The following SEMA3A variants were observed in gnomAD, a reference collection of about 807,000 sequenced individuals.
SEMA3A encodes semaphorin 3A, also known as semaphorin-3A.
In SEMA3A, 29 loss-of-function variants were observed where a neutral mutation model predicts 97.9. The ratio of observed to expected loss-of-function variants is 0.30; its 90% CI spans 0.22 to 0.40. The LOEUF (loss-of-function observed/expected upper bound fraction) is 0.40, where lower values mean the gene tolerates loss of function less well. Among genes scored for constraint, SEMA3A ranks in the 10% least tolerant of loss-of-function variants. The pLI, the probability that SEMA3A is intolerant of heterozygous loss-of-function variation, is 1.00. For synonymous variants in SEMA3A, 321 were observed against 323.7 expected (o/e 0.99, Z 0.09); for missense variants, 763 against 951.3 (o/e 0.80, Z 2.60).
At chr7:84,000,858 A>G (rs1790410788) in intron 12 of SEMA3A, among the ~76,000 whole-genome samples, 1 of 152,150 alleles carries the variant, frequency 6.6e-6, no homozygotes, top group African/African-American at 2.4e-5. Flanking sequence ...GAGGAATAAC[A>G]TTGTATATAG....
chr7:84,318,011 A>G (rs1801551377), intron 2 of SEMA3A, among the ~76,000 whole-genome samples: 1 of 152,180 alleles, frequency 6.6e-6, no homozygotes, highest in South Asian at 2.1e-4. Flanking sequence ...AAATGTTTTT[A>G]GGTCATATCC....
intron 6 of SEMA3A, among the ~76,000 whole-genome samples, chr7:84,020,035 C>CT (rs781108685): frequency 0.087 from 5,035 of 57,798 alleles, 1,514 homozygotes; most frequent in Non-Finnish European, 0.11. Context: ...TTTTTTCTTT[C>CT]TTTTTTTTTT....
chr7:84,229,311 A>T (rs1243672335), intron 3 of SEMA3A, among the ~76,000 whole-genome samples: 1 of 152,186 alleles, frequency 6.6e-6, no homozygotes, highest in Non-Finnish European at 1.5e-5. Context: ...TCAAAATTGC[A>T]AATTAAACTC....
At chr7:84,091,336 AAG>A (rs142641762) in intron 4 of SEMA3A, among the ~76,000 whole-genome samples, 7 of 144,172 alleles carry the variant, frequency 4.9e-5, no homozygotes, top group South Asian at 4.5e-4. Flanking sequence ...GAGAGAGAGA[AAG>A]AGGAGGGAAG....
At chr7:83,982,154 G>A (rs1046258183) in intron 13 of SEMA3A, among the ~76,000 whole-genome samples, 5 of 150,804 alleles carry the variant, frequency 3.3e-5, no homozygotes, top group Non-Finnish European at 4.4e-5. Flanking sequence ...ATAGGGTTGA[G>A]CATGAAGATA....
intron 4 of SEMA3A, among the ~76,000 whole-genome samples, chr7:84,062,564 A>G (rs1229589343): frequency 6.6e-6 from 1 of 152,168 alleles, no homozygotes; most frequent in African/African-American, 2.4e-5. Context: ...GGGTGCGCGC[A>G]CCACGCGCGA....
intron 3 of SEMA3A, 86 bp downstream of exon 3, chr7:84,129,037 A>T: frequency 9.6e-7 from 1 of 1,047,006 alleles, no homozygotes; most frequent in Non-Finnish European, 1.5e-6. Flanking sequence ...CACACAAAAA[A>T]ATCAGAAATT....
chr7:84,378,545 C>T (rs1329615589), intron 1 of SEMA3A, among the ~76,000 whole-genome samples: 1 of 152,014 alleles, frequency 6.6e-6, no homozygotes, highest in Non-Finnish European at 1.5e-5. Context: ...ACATCACACA[C>T]TGGGGCCTTT....
intron 2 of SEMA3A, among the ~76,000 whole-genome samples, chr7:84,336,689 A>C (rs994646293): frequency 6.6e-6 from 1 of 152,156 alleles, no homozygotes; most frequent in Non-Finnish European, 1.5e-5. Context: ...ACACAAACCT[A>C]GGTTCCAACA....
chr7:84,367,136 C>G (rs1259960081), intron 2 of SEMA3A, among the ~76,000 whole-genome samples: 2 of 151,138 alleles, frequency 1.3e-5, no homozygotes, highest in Admixed American at 6.6e-5. Context: ...TCAGCAAGGC[C>G]CCTCTAGGAA....
intron 1 of SEMA3A, among the ~76,000 whole-genome samples, chr7:84,183,117 G>A (rs1171263643): frequency 6.6e-6 from 1 of 152,004 alleles, no homozygotes; most frequent in Non-Finnish European, 1.5e-5. Context: ...GCACTGGTTG[G>A]GCACTTTACA....
intron 1 of SEMA3A, among the ~76,000 whole-genome samples, chr7:84,186,111 G>C (rs1797877332): frequency 6.6e-6 from 1 of 152,094 alleles, no homozygotes; most frequent in African/African-American, 2.4e-5. Context: ...CAAATCCAAA[G>C]AAATAGTTTC....
intron 12 of SEMA3A, among the ~76,000 whole-genome samples, chr7:83,986,322 G>A (rs1331913698): frequency 1.3e-5 from 2 of 152,162 alleles, no homozygotes; most frequent in African/African-American, 4.8e-5. Context: ...CTTTGCCAGA[G>A]AATATAATCT....
At chr7:84,036,508 G>A (rs1791944345) in intron 6 of SEMA3A, among the ~76,000 whole-genome samples, 1 of 152,064 alleles carries the variant, frequency 6.6e-6, no homozygotes, top group African/African-American at 2.4e-5. Context: ...AATGAGAAGA[G>A]AATAACATTC....
Position 84,412,202 on chromosome 7 carries a change from A to G in SEMA3A, c.-245-40302T>C, listed in dbSNP as rs1804289513. Among the ~76,000 whole-genome samples, 3 of 152,170 alleles carry G rather than the reference A, an allele frequency of 2.0e-5. No homozygotes were observed. In the South Asian group the frequency reaches 6.2e-4, roughly 31 times the overall value. ...TGCTAACCACATACAAGGATCATGC[A>G]TGAGGCTACAGGAGGTCACAGGTTT... On this transcript the variant is annotated intron_variant, in intron 1 of 3. Transcript: ENST00000424555.
intron 1 of SEMA3A, among the ~76,000 whole-genome samples, chr7:84,137,205 C>T (rs1796158012): frequency 6.6e-6 from 1 of 151,828 alleles, no homozygotes; most frequent in Non-Finnish European, 1.5e-5. Flanking sequence ...TCAAGACCAA[C>T]CTGGCCAACA....
In SEMA3A at chr7:84,002,007, T is replaced by A. The variant is rs1790473464; in HGVS notation, c.1400A>T (p.Glu467Val). Residue 467 changes from glutamate to valine, a missense_variant, in exon 12 of 17, where the codon GAG (glutamate) becomes GTG (valine). Physicochemically the swap from Glu to Val is moderately radical, Grantham distance 121. Around this residue, in one of 2 missense-constraint regions of SEMA3A, gnomAD observed 678 missense variants for 881.3 expected, o/e 0.77. Transcript: ENST00000265362. ...TVLKVVSIPKETWYDLEEVLL... is the reference protein window; with the variant it reads ...TVLKVVSIPKVTWYDLEEVLL... ...AACCTCTTCTAAATCATACCAAGTC[T>A]CCTTAGGAATTGAAACTACTTTAAG... 3 of 1,612,440 alleles carry A rather than the reference T, an allele frequency of 1.9e-6. No individual in the cohort carries two copies. The South Asian group carries it at 3.3e-5, about 18-fold the overall frequency.
chr7:84,134,615 AT>A (rs1389620133), intron 2 of SEMA3A, among the ~76,000 whole-genome samples, 178 bp downstream of exon 2: 2 of 152,140 alleles, frequency 1.3e-5, no homozygotes, highest in Non-Finnish European at 2.9e-5. Context: ...CATCCTTGAT[AT>A]TTTTTGATTT....
chr7:84,002,171 T>G (rs1790483507), intron 11 of SEMA3A, 125 bp from the exon 12 acceptor site: 6 of 585,118 alleles, frequency 1.0e-5, no homozygotes, highest in Non-Finnish European at 1.8e-5. Context: ...TTAATTCATT[T>G]TTTGGTCAAA....
Sources: gnomAD v4.1 joint callset for allele counts (sites outside exome capture counted in the v4.1 genomes callset) on GRCh38, gnomAD v4.1.1 for gene constraint, gnomAD v4.1.1 regional missense constraint, MANE v1.5 for transcripts, NCBI Gene and HGNC (gene_info 2026-07-23, HGNC 2026-07-21) for gene names.